Variants in MAP4 observed in about 807,000 individuals in gnomAD.
MAP4 encodes microtubule-associated protein 4.
In MAP4, 76 loss-of-function variants were observed where a neutral mutation model predicts 170.2. The ratio of observed to expected loss-of-function variants is 0.45; its 90% CI spans 0.37 to 0.54. The LOEUF is 0.54. MAP4 is among the 20% of genes least tolerant of loss of function. The pLI is 0.00. For synonymous variants in MAP4, 909 were observed against 994.5 expected (o/e 0.91, Z 1.62); for missense variants, 2,506 against 2,748.0 (o/e 0.91, Z 1.97).
intron 10 of MAP4, chr3:47,892,043 G>A (rs1478539567): frequency 2.0e-6 from 3 of 1,536,122 alleles, no homozygotes; most frequent in African/African-American, 1.4e-5. Flanking sequence ...ATTCTTCCCT[G>A]CCACCTTCCC....
At chr3:47,998,543 ACT>A in intron 2 of MAP4, 93 bp downstream of exon 2, 1 of 966,474 alleles carries the variant, frequency 1.0e-6, no homozygotes, top group Admixed American at 2.1e-5. Flanking sequence ...CACTAAAAAA[ACT>A]CAGCTCAATT....
At chr3:47,898,036 T>C (rs2153228920) in intron 10 of MAP4, among the ~76,000 whole-genome samples, 1 of 152,314 alleles carries the variant, frequency 6.6e-6, no homozygotes, top group South Asian at 2.1e-4. Flanking sequence ...CTTCTGTTTC[T>C]AATTTCCAGT....
chr3:48,074,331 A>C, intron 1 of MAP4, among the ~76,000 whole-genome samples: 1 of 116,742 alleles, frequency 8.6e-6, no homozygotes, highest in South Asian at 3.2e-4. Flanking sequence ...GGGGGGAGGG[A>C]AAGCATTAGG....
At position 47,853,273 on chromosome 3, in the gene MAP4, G is replaced by A. The variant is rs2047144184; in HGVS notation, c.6776C>T (p.Pro2259Leu). ...GGCTGAAGTGGGGGCGCCAGCTTCA[G>A]GCGCTGCCTCAGAGATGGCCGGCTC... Reference protein sequence around the residue: ...GEEPAISEAAPEAGAPTSASG... With the variant: ...GEEPAISEAALEAGAPTSASG... The change falls in exon 20 of 21, where the codon CCT becomes CTT. Residue 2259 changes from proline to leucine, a missense_variant. By Grantham distance (98) the Pro-to-Leu change is moderately conservative (BLOSUM62 -3). This residue lies in a region of MAP4 where 487 missense variants were observed against 511.6 expected (regional missense o/e 0.95). Coordinates refer to ENST00000683076, the MANE Select transcript of MAP4 (RefSeq NM_001385682.1). 1 of 1,605,566 alleles carries A rather than the reference G, an allele frequency of 6.2e-7. No homozygotes were observed. The highest frequency in any genetic ancestry group is 1.3e-5 in the African/African-American group (1 of 74,724).
Position 47,872,000 on chromosome 3 carries a change from G to T in MAP4, c.5858C>A (p.Ala1953Glu). The T allele has an allele frequency of 1.2e-6, 2 of 1,614,084 alleles. No individual in the cohort carries two copies. Among genetic ancestry groups the T allele is most frequent in the Non-Finnish European group, 1.7e-6 (2 of 1,179,976 alleles). The change falls in exon 13 of 21, where the codon GCA (alanine) becomes GAA (glutamate). Residue 1953 changes from alanine (A) to glutamate (E), a missense_variant. Ala to Glu is a moderately radical substitution (Grantham distance 107). Around this residue, in one of 3 missense-constraint regions of MAP4, gnomAD observed 487 missense variants for 511.6 expected, o/e 0.95. Transcript: ENST00000683076. ...AACAGCAGCAGCTGTTGTGGTTTTT[G>T]CAACAGTCTGAGTGCTCTTGGACCC... Reference protein sequence around the residue: ...RSGSKSTQTVAKTTTAAAVAS... With the variant: ...RSGSKSTQTVEKTTTAAAVAS...
chr3:47,983,519 TG>T (rs1192105843), intron 2 of MAP4, among the ~76,000 whole-genome samples: 2 of 152,164 alleles, frequency 1.3e-5, no homozygotes, highest in Non-Finnish European at 2.9e-5. Context: ...CCTGAGTAGC[TG>T]GGGCTACAGG....
At chr3:47,978,723 A>T (rs576990809) in intron 2 of MAP4, among the ~76,000 whole-genome samples, 99 of 150,792 alleles carry the variant, frequency 6.6e-4, no homozygotes, top group Non-Finnish European at 1.3e-3. Flanking sequence ...TTCTGGAAGC[A>T]GAGGACTCCT....
At chr3:48,081,642 A>G (rs959640072) in intron 1 of MAP4, among the ~76,000 whole-genome samples, 3 of 152,212 alleles carry the variant, frequency 2.0e-5, no homozygotes, top group Non-Finnish European at 2.9e-5. Context: ...GTGCTGGATC[A>G]GCATCAGAGA....
At position 47,877,441 on chromosome 3, in the gene MAP4, T is replaced by A; in HGVS notation, c.5517A>T (p.Pro1839=). Residue 1839 remains proline, a synonymous_variant, in exon 11 of 21, where the codon CCA becomes CCT. Transcript: ENST00000683076. ...DITTPPNKEL[P]PSPEKKTKPL... is the part of the protein sequence containing the mutation. ...CCTTTGTTTTCTTCTCTGGGCTTGG[T>A]GGGAGCTCCTTGTTCGGTGGGGTGG... 2 of 1,614,102 alleles carry A rather than the reference T, an allele frequency of 1.2e-6. No homozygotes were observed. Among genetic ancestry groups the A allele is most frequent in the Non-Finnish European group, 1.7e-6 (2 of 1,179,954 alleles).
intron 10 of MAP4, chr3:47,891,729 T>C: frequency 6.5e-7 from 1 of 1,536,616 alleles, no homozygotes; most frequent in Non-Finnish European, 8.7e-7. Context: ...AACACCATAG[T>C]GATTGGCGGA....
chr3:48,077,210 A>G (rs2100144376), intron 1 of MAP4, among the ~76,000 whole-genome samples: 2 of 152,148 alleles, frequency 1.3e-5, no homozygotes, highest in Non-Finnish European at 2.9e-5. Context: ...TGGGAGGCGG[A>G]GGTGGGCAGA....
At chr3:48,055,800 A>C (rs2100130847) in intron 1 of MAP4, among the ~76,000 whole-genome samples, 1 of 135,322 alleles carries the variant, frequency 7.4e-6, no homozygotes. Context: ...GGAAGTGAGG[A>C]GCGTCTCTGC....
intron 12 of MAP4, among the ~76,000 whole-genome samples, chr3:47,873,803 T>A (rs2094323940): frequency 1.3e-5 from 2 of 152,230 alleles, no homozygotes; most frequent in Admixed American, 1.3e-4. Context: ...TATTTTGCCA[T>A]GAGGGTAATA....
intron 12 of MAP4, among the ~76,000 whole-genome samples, chr3:47,874,596 C>G (rs1373993726): frequency 1.3e-5 from 2 of 152,174 alleles, no homozygotes; most frequent in African/African-American, 4.8e-5. Context: ...CTGTCACCCC[C>G]CAGAAGCCGC....
intron 16 of MAP4, among the ~76,000 whole-genome samples, chr3:47,868,183 G>A (rs1253171727): frequency 6.6e-6 from 1 of 152,160 alleles, no homozygotes; most frequent in East Asian, 1.9e-4. Flanking sequence ...AAACACCAAG[G>A]CCCTGGCTCT....
At chr3:48,060,764 A>G (rs2100134758) in intron 1 of MAP4, among the ~76,000 whole-genome samples, 1 of 152,128 alleles carries the variant, frequency 6.6e-6, no homozygotes, top group Admixed American at 6.5e-5. Context: ...AAAAAAAATA[A>G]TAATAATACA....
In MAP4 at chr3:47,853,145, C is replaced by A; in HGVS notation, c.6886+18G>T. 6.2e-7 allele frequency: 1 copy of A among 1,604,174 alleles called. No homozygotes were observed. Among genetic ancestry groups the A allele is most frequent in the Non-Finnish European group, 8.5e-7 (1 of 1,174,754 alleles). On this transcript the variant is annotated intron_variant, in intron 20 of 20. Transcript: ENST00000683076. ...GCAGGGCCCCTGGCTGGCCCTTAGG[C>A]CGAGCCCAGCCACTTACTTGTCTCC...
intron 1 of MAP4, among the ~76,000 whole-genome samples, chr3:48,055,201 TCTCCGTCTCC>T: frequency 2.4e-5 from 1 of 42,390 alleles, no homozygotes; most frequent in Non-Finnish European, 4.5e-5. Context: ...TCCCTCTCCG[TCTCCGTCTCC>T]GTCTCCGTCT....
chr3:48,087,636 C>T lies in MAP4; in HGVS notation c.-20+1137G>A, dbSNP rs114337433. ...CCCCTGATGCAATGCCACAACCATC[C>T]CTGGGAAAGAGCAGAGGCAGTTGCC... On this transcript the variant is annotated intron_variant, in intron 1 of 18. Transcript: ENST00000360240. Among the ~76,000 whole-genome samples, 600 of 152,142 alleles carry T rather than the reference C, an allele frequency of 3.9e-3. 4 individuals carry two copies. Among genetic ancestry groups the T allele is most frequent in the African/African-American group, 0.014 (574 of 41,490 alleles).
Sources: allele counts gnomAD v4.1 joint callset (sites outside exome capture counted in the v4.1 genomes callset), GRCh38; gene constraint gnomAD v4.1.1; regional missense constraint gnomAD v4.1.1; transcripts MANE v1.5; gene names NCBI Gene and HGNC (gene_info 2026-07-23, HGNC 2026-07-21).